Variants in ZMYM2 observed in about 807,000 individuals in gnomAD.
The protein encoded by ZMYM2 is zinc finger MYM-type protein 2.
ZMYM2 carries 56 observed loss-of-function variants against 162.8 expected under a neutral mutation model. The observed-to-expected ratio is 0.34, with a 90% CI of 0.28 to 0.43. The LOEUF (loss-of-function observed/expected upper bound fraction) is 0.43, where lower values mean the gene tolerates loss of function less well. Ranked by LOEUF, ZMYM2 falls within the 20% of genes least tolerant of loss-of-function variation. The pLI is 1.00. For synonymous variants in ZMYM2, 510 were observed against 541.6 expected, an observed-to-expected ratio of 0.94 and a Z score of 0.81; for missense variants, 1,275 against 1,621.8, an observed-to-expected ratio of 0.79 and a Z score of 3.67.
chr13:20,019,820 T>C (rs935991333), intron 7 of ZMYM2: 7 of 551,372 alleles, frequency 1.3e-5, no homozygotes, highest in African/African-American at 7.6e-5. Flanking sequence ...TCTTGTGATA[T>C]GCTCATTTGT....
At chr13:19,925,342 T>C in the ZMYM2 span, among the ~76,000 whole-genome samples, 1 of 152,174 alleles carries the variant, frequency 6.6e-6, no homozygotes, top group South Asian at 2.1e-4. Flanking sequence ...CTGGGGTAGG[T>C]CTTAAATGTT....
upstream of ZMYM2, among the ~76,000 whole-genome samples, chr13:19,954,147 T>TTTTTTTTTTTTTTTTTTTTC (rs1954472661): frequency 7.3e-6 from 1 of 137,672 alleles, no homozygotes; most frequent in Non-Finnish European, 1.6e-5. Flanking sequence ...TTTTTTTTTT[T>TTTTTTTTTTTTTTTTTTTTC]AGACGGAGTC....
chr13:19,914,703 G>A, the ZMYM2 span, among the ~76,000 whole-genome samples: 146 of 152,310 alleles, frequency 9.6e-4, no homozygotes, highest in African/African-American at 3.3e-3. Flanking sequence ...ATTCCACAAA[G>A]CATTGCTTCT....
chr13:19,923,400 T>C, the ZMYM2 span, among the ~76,000 whole-genome samples: 1 of 145,936 alleles, frequency 6.9e-6, no homozygotes, highest in East Asian at 2.0e-4. Flanking sequence ...AAAAAGTCAG[T>C]GGTCTCAGTG....
In ZMYM2 at chr13:19,993,259, A is replaced by T; in HGVS notation, c.187A>T (p.Ile63Phe). ...SVEDDDDVVFIEPVQPPPPSV... is the reference protein window; with the variant it reads ...SVEDDDDVVFFEPVQPPPPSV... ...GGAAGATGATGATGATGTTGTTTTT[A>T]TCGAACCTGTACAACCTCCCCCACC... Residue 63 changes from isoleucine (I) to phenylalanine (F), a missense_variant, in exon 3 of 25, where the codon ATC (isoleucine) becomes TTC (phenylalanine). Transcript: ENST00000610343. The T allele has an allele frequency of 6.2e-7, 1 of 1,613,984 alleles. No individual in the cohort carries two copies. The highest frequency in any genetic ancestry group is 8.5e-7 in the Non-Finnish European group (1 of 1,179,884).
intron 12 of ZMYM2, among the ~76,000 whole-genome samples, chr13:20,038,331 T>C (rs932451907): frequency 2.0e-5 from 3 of 152,218 alleles, no homozygotes; most frequent in Non-Finnish European, 4.4e-5. Flanking sequence ...CAGTTGCTTT[T>C]GGCATCTTAA....
chr13:19,914,681 C>T, the ZMYM2 span, among the ~76,000 whole-genome samples: 2 of 152,156 alleles, frequency 1.3e-5, no homozygotes, highest in Non-Finnish European at 2.9e-5. Context: ...GTGTCTTATC[C>T]ACCACCATGG....
rs1220027745 is a variant in ZMYM2, at chr13:19,993,855, T to C, written c.783T>C (p.Pro261=). ...QTKTGVGPFN[P]GRMNVAGDVF... ...AGACTGGAGTAGGACCTTTTAATCC[T>C]GGTAGAATGAATGTGGCAGGAGACG... is the stretch of plus-strand genomic sequence containing the variant. Residue 261 remains proline (P), a synonymous_variant, in exon 3 of 25, where the codon CCT becomes CCC. Transcript: ENST00000610343. The C allele has an allele frequency of 1.2e-6, 2 of 1,613,846 alleles. No homozygotes were observed. The highest frequency in any genetic ancestry group is 1.7e-6 in the Non-Finnish European group (2 of 1,179,968).
At chr13:19,900,398 A>G in the ZMYM2 span, among the ~76,000 whole-genome samples, 1 of 152,182 alleles carries the variant, frequency 6.6e-6, no homozygotes. Context: ...ATCATAACAA[A>G]ATAGCGTATC....
chr13:19,943,677 G>A, the ZMYM2 span, among the ~76,000 whole-genome samples: 1 of 152,150 alleles, frequency 6.6e-6, no homozygotes, highest in Non-Finnish European at 1.5e-5. Context: ...AGTGGGAGAA[G>A]GGTGGATGGG....
At chr13:20,063,914 A>AAATAT (rs1956468174) in intron 18 of ZMYM2, among the ~76,000 whole-genome samples, 1 of 11,034 alleles carries the variant, frequency 9.1e-5, no homozygotes, top group South Asian at 3.1e-3. Flanking sequence ...TATATAATAT[A>AAATAT]TATTTTATAT....
At chr13:19,872,920 A>G in the ZMYM2 span, among the ~76,000 whole-genome samples, 5 of 151,716 alleles carry the variant, frequency 3.3e-5, no homozygotes, top group African/African-American at 4.8e-5. Context: ...AATCACTTGA[A>G]CCCAGGAGGC....
At chr13:19,906,946 A>G in the ZMYM2 span, among the ~76,000 whole-genome samples, 2 of 152,050 alleles carry the variant, frequency 1.3e-5, no homozygotes, top group Non-Finnish European at 2.9e-5. Context: ...GGCTGGTCTC[A>G]AACTCCTGGC....
chr13:20,012,026 AG>A (rs1951236956), intron 6 of ZMYM2, among the ~76,000 whole-genome samples: 1 of 152,104 alleles, frequency 6.6e-6, no homozygotes, highest in Admixed American at 6.6e-5. Flanking sequence ...CTAGGATTAC[AG>A]GCGTGAGCCA....
intron 3 of ZMYM2, among the ~76,000 whole-genome samples, chr13:19,995,810 GA>G (rs1391396749): frequency 6.6e-6 from 1 of 152,118 alleles, no homozygotes; most frequent in African/African-American, 2.4e-5. Context: ...ACAACGTGGT[GA>G]AAAAATACAA....
chr13:19,986,412 C>A (rs1196560327), intron 2 of ZMYM2, among the ~76,000 whole-genome samples: 1 of 151,118 alleles, frequency 6.6e-6, no homozygotes, highest in East Asian at 1.9e-4. Context: ...TACCCAAAGA[C>A]CTATAAATTA....
intron 19 of ZMYM2, chr13:20,066,518 A>G: frequency 5.3e-6 from 1 of 190,040 alleles, no homozygotes; most frequent in Non-Finnish European, 1.1e-5. Flanking sequence ...GCTAGAGAAA[A>G]TGTTATCAAG....
the ZMYM2 span, among the ~76,000 whole-genome samples, chr13:19,930,643 T>C: frequency 6.6e-6 from 1 of 150,710 alleles, no homozygotes; most frequent in African/African-American, 2.4e-5. Context: ...GTTCAAGAGA[T>C]TCTCCTGCCT....
intron 10 of ZMYM2, among the ~76,000 whole-genome samples, chr13:20,032,714 T>G (rs914866732): frequency 1.4e-5 from 2 of 148,146 alleles, no homozygotes; most frequent in African/African-American, 2.5e-5. Context: ...GTTCAAGCGA[T>G]TCTCCTGCCT....
Sources: allele counts gnomAD v4.1 joint callset (sites outside exome capture counted in the v4.1 genomes callset), GRCh38; gene constraint gnomAD v4.1.1; transcripts MANE v1.5; gene names NCBI Gene and HGNC (gene_info 2026-07-23, HGNC 2026-07-21).